The following TRPM2 variants were observed in gnomAD, a reference collection of about 807,000 sequenced individuals.
The protein encoded by TRPM2 is estrogen-responsive element-associated gene 1 protein.
A neutral mutation model predicts 174.0 loss-of-function variants in TRPM2; 161 were observed. The observed-to-expected ratio is 0.93, with a 90% CI of 0.81 to 1.05. The LOEUF is 1.05. Ranked by LOEUF, TRPM2 falls within the 50% of genes least tolerant of loss-of-function variation. The pLI, the probability that TRPM2 is intolerant of heterozygous loss-of-function variation, is 0.00. For synonymous variants in TRPM2, 954 were observed against 861.3 expected (o/e 1.11, Z -1.88); for missense variants, 2,057 against 2,038.0 (o/e 1.01, Z -0.18).
Position 44,382,772 on chromosome 21 carries a change from G to A in TRPM2, c.1270G>A (p.Asp424Asn), listed in dbSNP as rs765798174. The A allele has an allele frequency of 2.5e-5, 40 of 1,614,016 alleles. No homozygotes were observed. The highest frequency in any genetic ancestry group is 8.3e-5 in the Admixed American group (5 of 60,000). Reference sequence around the variant, plus strand: ...GCTGACTGTCTTCCGGGAAGGCAAGGATGGTCAGCAGGACGTGGATGTGGC... The same window carrying A: ...GCTGACTGTCTTCCGGGAAGGCAAGAATGGTCAGCAGGACGTGGATGTGGC... ...QLLTVFREGK[D>N]GQQDVDVAIL... is the part of the protein sequence containing the mutation. The change falls in exon 9 of 32, where the codon GAT becomes AAT. Residue 424 changes from aspartate (D) to asparagine (N), a missense_variant. By Grantham distance (23) the Asp-to-Asn change is conservative (BLOSUM62 1). Transcript: ENST00000397928.
chr21:44,424,298 A>T (rs1159826444), intron 23 of TRPM2, among the ~76,000 whole-genome samples: 1 of 152,038 alleles, frequency 6.6e-6, no homozygotes, highest in East Asian at 1.9e-4. Flanking sequence ...TCCACCATCC[A>T]CCAGTCCTGC....
chr21:44,379,113 C>T lies in TRPM2; in HGVS notation c.1131C>T (p.Ser377=), dbSNP rs1283050870. ...TGCCTGTCTCGGACATCACTATCTC[C>T]CTGATCCAGCAGAAACTGAGCGTGT... is the stretch of plus-strand genomic sequence containing the variant. ...ANLPVSDITI[S]LIQQKLSVFF... is the part of the protein sequence containing the mutation. The change falls in exon 8 of 32, where the codon TCC becomes TCT. Residue 377 remains serine, a synonymous_variant. Coordinates refer to ENST00000397928, the MANE Select transcript of TRPM2 (RefSeq NM_003307.4). The T allele has an allele frequency of 6.2e-7, 1 of 1,613,590 alleles. No homozygotes were observed. The highest frequency in any genetic ancestry group is 1.1e-5 in the South Asian group (1 of 91,086).
At chr21:44,352,071 C>A (rs189403626), upstream of TRPM2, among the ~76,000 whole-genome samples, 2 of 152,208 alleles carry the variant, frequency 1.3e-5, no homozygotes, top group East Asian at 1.9e-4. Context: ...GGTCCCCTTG[C>A]GGTGCCACTG....
chr21:44,380,328 C>T (rs1054561432), intron 8 of TRPM2, among the ~76,000 whole-genome samples: 2 of 152,180 alleles, frequency 1.3e-5, no homozygotes, highest in African/African-American at 2.4e-5. Flanking sequence ...GTGAAAACAT[C>T]GTGGTCCGGC....
chr21:44,372,168 AC>A (rs1256043513), intron 5 of TRPM2, among the ~76,000 whole-genome samples: 1 of 150,874 alleles, frequency 6.6e-6, no homozygotes, highest in East Asian at 2.0e-4. Flanking sequence ...CCAACTACAA[AC>A]CTGTTACAGC....
chr21:44,389,954 G>C (rs1369671534), intron 9 of TRPM2, among the ~76,000 whole-genome samples: 2 of 150,158 alleles, frequency 1.3e-5, no homozygotes, highest in Non-Finnish European at 2.9e-5. Flanking sequence ...ATCATTGCAA[G>C]TTCCGCCTCC....
chr21:44,385,384 A>G (rs28855118), intron 9 of TRPM2, among the ~76,000 whole-genome samples: 5,855 of 152,264 alleles, frequency 0.038, 332 homozygotes, highest in African/African-American at 0.12. Context: ...ACATGCTTAC[A>G]TTAAAAAATA....
chr21:44,397,382 T>C (rs7282766), intron 12 of TRPM2, among the ~76,000 whole-genome samples: 1 of 152,104 alleles, frequency 6.6e-6, no homozygotes, highest in African/African-American at 2.4e-5. Context: ...AAAAAACTGG[T>C]TCTGTGGTTA....
rs2048386218 is a variant in TRPM2, at chr21:44,367,116, C to T, written c.604+182C>T. Among the ~76,000 whole-genome samples, 1 of 152,206 alleles carries T rather than the reference C, an allele frequency of 6.6e-6. No homozygotes were observed. The highest frequency in any genetic ancestry group is 1.5e-5 in the Non-Finnish European group (1 of 68,040). Reference sequence around the variant, plus strand: ...CACAGCTGCTCCCTGACGCCCGATGCTCCCACTGGCTTGCCTGTGGGCTGG... The same window carrying T: ...CACAGCTGCTCCCTGACGCCCGATGTTCCCACTGGCTTGCCTGTGGGCTGG... On this transcript the variant is annotated intron_variant, in intron 4 of 31. Coordinates refer to ENST00000397928, the MANE Select transcript of TRPM2 (RefSeq NM_003307.4). This position sits in a 1 kb window ranked among gnomAD's most constrained non-coding sequence, Gnocchi z 4.6.
Position 44,424,914 on chromosome 21 carries a change from CT to C in TRPM2, c.3613del (p.Ser1205ArgfsTer36), listed in dbSNP as rs1216605163. 2 of 1,607,028 alleles carry C rather than the reference CT, an allele frequency of 1.2e-6. No homozygotes were observed. The highest frequency in any genetic ancestry group is 8.5e-7 in the Non-Finnish European group (1 of 1,178,344). On this transcript the variant is annotated frameshift_variant, in exon 24 of 32. Transcript: ENST00000397928. LOFTEE classifies it high-confidence loss of function. ...VRTLRASGFS[S>X]EADVPTLASQ... The stretch of plus-strand genomic sequence containing the variant: ...GGACGCTGCGGGCCAGCGGCTTCAG[CT>C]CGGAGGCGGACGTCCCCACTCTGGG...
intron 25 of TRPM2, 72 bp from the exon 26 acceptor site, chr21:44,426,588 T>C: frequency 1.3e-6 from 2 of 1,529,154 alleles, no homozygotes; most frequent in Admixed American, 3.3e-5. Context: ...GAGCAGCCCT[T>C]TCACCCTGGT....
In TRPM2 at chr21:44,439,109, C is replaced by A; in HGVS notation, c.4210C>A (p.Arg1404=). The A allele has an allele frequency of 6.2e-7, 1 of 1,613,676 alleles. No individual in the cohort carries two copies. Among genetic ancestry groups the A allele is most frequent in the Middle Eastern group, 1.6e-4 (1 of 6,062 alleles). Residue 1404 remains arginine (R), a synonymous_variant, in exon 30 of 32, where the codon CGG becomes AGG. Transcript: ENST00000397928. This position sits in a 1 kb window ranked among gnomAD's most constrained non-coding sequence, Gnocchi z 5.1. ...PGEMLPRKLK[R]ILRQEHWPSF... is the part of the protein sequence containing the mutation. Reference sequence around the variant, plus strand: ...GGAGATGCTACCTCGGAAGCTGAAGCGGATCCTCCGGCAGGAGCACTGGCC... The same window carrying A: ...GGAGATGCTACCTCGGAAGCTGAAGAGGATCCTCCGGCAGGAGCACTGGCC...
Position 44,404,069 on chromosome 21 carries a change from AT to A in TRPM2, c.2539-1072del, listed in dbSNP as rs371688204. ...TATACACATATACATACATATGCAC[AT>A]GAACAAACATGTACACACATACACA... On this transcript the variant is annotated intron_variant, in intron 16 of 31. Transcript: ENST00000397928. Among the ~76,000 whole-genome samples the A allele has an allele frequency of 2.3e-3, 345 of 152,302 alleles. 2 individuals are homozygous for A. Among genetic ancestry groups the A allele is most frequent in the African/African-American group, 8.0e-3 (334 of 41,552 alleles).
At chr21:44,437,410 C>T (rs2051318316) in intron 29 of TRPM2, among the ~76,000 whole-genome samples, 1 of 152,170 alleles carries the variant, frequency 6.6e-6, no homozygotes, top group Non-Finnish European at 1.5e-5. Flanking sequence ...TAACGGGGCA[C>T]CTACTGTGTC....
chr21:44,388,125 C>G lies in TRPM2; in HGVS notation c.1319-2779C>G, dbSNP rs553349257. 5.3e-5 allele frequency among the ~76,000 whole-genome samples: 8 copies of G among 152,300 alleles called. No individual in the cohort carries two copies. The East Asian group carries it at 1.5e-3, about 29-fold the overall frequency. ...ATACTCATGTTCATAGCTGCATTAT[C>G]CACAATAGCTAAAAAGTGGAAGCAG... On this transcript the variant is annotated intron_variant, in intron 9 of 31. Coordinates refer to ENST00000397928, the MANE Select transcript of TRPM2 (RefSeq NM_003307.4).
Position 44,354,225 on chromosome 21 carries a change from G to C in TRPM2, c.165+360G>C, listed in dbSNP as rs1327917577. On this transcript the variant is annotated intron_variant, in intron 1 of 31. Coordinates refer to ENST00000397928, the MANE Select transcript of TRPM2 (RefSeq NM_003307.4). The surrounding 1 kb of genome is among the most constrained non-coding windows in gnomAD (Gnocchi z 4.3). ...TGGGCTAGCTTTCCCCAAAGCCCTGGATACAAAGACACAAGTATGTTGAAA... is the reference window on the plus strand; with the variant it reads ...TGGGCTAGCTTTCCCCAAAGCCCTGCATACAAAGACACAAGTATGTTGAAA... Among the ~76,000 whole-genome samples the C allele has an allele frequency of 6.6e-6, 1 of 152,156 alleles. No homozygotes were observed. The highest frequency in any genetic ancestry group is 2.4e-5 in the African/African-American group (1 of 41,418).
intron 22 of TRPM2, chr21:44,422,562 A>G: frequency 8.6e-7 from 1 of 1,164,142 alleles, no homozygotes; most frequent in Admixed American, 2.7e-5. Flanking sequence ...TTTCTGTGTT[A>G]CTAAAATAGT....
rs1319880973 is a variant in TRPM2 at position 44,439,200 on chromosome 21, G to T, written c.4269+32G>T. The T allele has an allele frequency of 1.9e-6, 3 of 1,592,016 alleles. No homozygotes were observed. The highest frequency in any genetic ancestry group is 8.6e-7 in the Non-Finnish European group (1 of 1,161,152). ...CTGGCCTGTTTGCTCTGTTCCACCT[G>T]TGTGTCCCCAGGGCTGCAGGACAAA... On this transcript the variant is annotated intron_variant, in intron 30 of 31. Transcript: ENST00000397928. This position sits in a 1 kb window ranked among gnomAD's most constrained non-coding sequence, Gnocchi z 5.1.
At chr21:44,392,397 A>G (rs924952758) in intron 11 of TRPM2, among the ~76,000 whole-genome samples, 4 of 150,598 alleles carry the variant, frequency 2.7e-5, no homozygotes, top group Admixed American at 6.6e-5. Flanking sequence ...AGCTGGGACT[A>G]TAGGCATGTG....
Sources: allele counts gnomAD v4.1 joint callset (sites outside exome capture counted in the v4.1 genomes callset), GRCh38; gene constraint gnomAD v4.1.1; non-coding constraint Gnocchi (gnomAD v3.1); transcripts MANE v1.5; gene names NCBI Gene and HGNC (gene_info 2026-07-23, HGNC 2026-07-21).